ZBTB20: variants seen among roughly 807,000 people sequenced by gnomAD.
ZBTB20 encodes zinc finger and BTB domain containing 20.
A neutral mutation model predicts 56.9 loss-of-function variants in ZBTB20; 9 were observed. The observed-to-expected ratio is 0.16, with a 90% CI of 0.10 to 0.28. The LOEUF is 0.28. Among genes scored for constraint, ZBTB20 ranks in the 10% least tolerant of loss-of-function variants. ZBTB20 has a pLI of 1.00. For synonymous variants in ZBTB20, 417 were observed against 420.7 expected (o/e 0.99, Z 0.11); for missense variants, 655 against 1,003.0 (o/e 0.65, Z 4.69).
At chr3:114,935,879 T>C (rs2076516849) in intron 3 of ZBTB20, among the ~76,000 whole-genome samples, 1 of 152,200 alleles carries the variant, frequency 6.6e-6, no homozygotes, top group Admixed American at 6.5e-5. Context: ...TAACACAGAG[T>C]ACTCTTCTAC....
Position 114,336,204 on chromosome 3 carries a change from A to G in ZBTB20, c.*2801T>C, listed in dbSNP as rs1282689925. 1.3e-5 allele frequency: 2 copies of G among 152,120 alleles called. No individual in the cohort carries two copies. Among genetic ancestry groups the G allele is most frequent in the African/African-American group, 2.4e-5 (1 of 41,440 alleles). The allele number at this position is 152,120 out of a possible 1,614,324, so 9.4% of individuals were successfully genotyped here. Reference sequence around the variant, plus strand: ...CATGTCATTGTCTCCTAGCTTTAAGAGTTTTTTTCTTAAGGTCAATCTTCT... The same window carrying G: ...CATGTCATTGTCTCCTAGCTTTAAGGGTTTTTTTCTTAAGGTCAATCTTCT... On this transcript the variant is annotated 3_prime_UTR_variant, in exon 12 of 12. Transcript: ENST00000675478.
At chr3:114,529,154 A>C (rs2110011572) in intron 6 of ZBTB20, 1 of 152,320 alleles carries the variant, frequency 6.6e-6, no homozygotes, top group South Asian at 2.1e-4. Flanking sequence ...CTCTGCAGAT[A>C]GCTATGGCCC....
chr3:115,145,897 T>C (rs1336995371), intron 1 of ZBTB20, among the ~76,000 whole-genome samples: 1 of 152,240 alleles, frequency 6.6e-6, no homozygotes, highest in Non-Finnish European at 1.5e-5. Context: ...AACTTCAGAA[T>C]AGCGTTCACT....
chr3:114,374,005 G>A (rs1291493508), intron 10 of ZBTB20, among the ~76,000 whole-genome samples: 3 of 152,146 alleles, frequency 2.0e-5, no homozygotes, highest in African/African-American at 7.2e-5. Flanking sequence ...AATGCACAAA[G>A]TGGAAACTCT....
intron 2 of ZBTB20, among the ~76,000 whole-genome samples, chr3:115,056,958 G>A (rs2081817274): frequency 6.6e-6 from 1 of 152,082 alleles, no homozygotes; most frequent in Non-Finnish European, 1.5e-5. Flanking sequence ...AGGAGTTGGA[G>A]TCATTCTGTT....
At chr3:114,700,768 C>T (rs2063340633) in intron 5 of ZBTB20, among the ~76,000 whole-genome samples, 1 of 152,104 alleles carries the variant, frequency 6.6e-6, no homozygotes, top group African/African-American at 2.4e-5. Flanking sequence ...AGTCCTCTGA[C>T]ATGAGAAAGT....
chr3:114,733,712 G>T (rs1429416993), intron 5 of ZBTB20, among the ~76,000 whole-genome samples: 1 of 152,114 alleles, frequency 6.6e-6, no homozygotes, highest in Non-Finnish European at 1.5e-5. Context: ...GGGTAAACAT[G>T]ACATTTTGAT....
intron 3 of ZBTB20, among the ~76,000 whole-genome samples, chr3:114,906,992 A>C (rs111290540): frequency 0.011 from 1,686 of 151,982 alleles, 30 homozygotes; most frequent in African/African-American, 0.039. Context: ...CTACTATTAT[A>C]GTTGGAGAAA....
chr3:115,085,738 T>C (rs1332937983), intron 1 of ZBTB20, among the ~76,000 whole-genome samples: 1 of 151,950 alleles, frequency 6.6e-6, no homozygotes, highest in Non-Finnish European at 1.5e-5. Flanking sequence ...AAGAAACTTT[T>C]GTTTCTTTGG....
chr3:114,560,393 T>C (rs192921488), intron 6 of ZBTB20, among the ~76,000 whole-genome samples: 107 of 152,208 alleles, frequency 7.0e-4, no homozygotes, highest in Non-Finnish European at 2.9e-5. Flanking sequence ...CTCTAAGTGC[T>C]TTACATTTAT....
At chr3:114,967,603 G>C (rs143927510) in intron 3 of ZBTB20, among the ~76,000 whole-genome samples, 1,619 of 152,136 alleles carry the variant, frequency 0.011, 18 homozygotes, top group African/African-American at 0.031. Context: ...GAAAAAAAAG[G>C]GGGGAAAGCC....
chr3:114,611,420 G>A (rs1488873465), intron 6 of ZBTB20, among the ~76,000 whole-genome samples: 1 of 152,172 alleles, frequency 6.6e-6, no homozygotes, highest in African/African-American at 2.4e-5. Context: ...TGCTCAAGCT[G>A]TCAAACATCA....
chr3:114,656,689 T>C (rs934981706), intron 6 of ZBTB20, among the ~76,000 whole-genome samples: 6 of 152,210 alleles, frequency 3.9e-5, no homozygotes, highest in Non-Finnish European at 8.8e-5. Flanking sequence ...TACTTATTTT[T>C]GAAAATTTTC....
chr3:114,450,333 AT>A (rs1559804318), intron 7 of ZBTB20, among the ~76,000 whole-genome samples: 3 of 152,142 alleles, frequency 2.0e-5, no homozygotes. Context: ...CAAAACTCAA[AT>A]TTTTTTATCC....
chr3:114,760,906 A>G (rs990901640), intron 5 of ZBTB20, among the ~76,000 whole-genome samples: 3 of 152,192 alleles, frequency 2.0e-5, no homozygotes, highest in African/African-American at 7.2e-5. Flanking sequence ...ATCTGTGTCC[A>G]TTTTGTGGTC....
At chr3:114,940,770 CAAGGATA>C (rs1182283578) in intron 3 of ZBTB20, among the ~76,000 whole-genome samples, 2 of 146,190 alleles carry the variant, frequency 1.4e-5, no homozygotes, top group East Asian at 3.9e-4. Context: ...CATAATGGTT[CAAGGATA>C]AACCATTTCC....
At chr3:114,388,274 G>C (rs1423495393) in intron 8 of ZBTB20, 3 of 152,178 alleles carry the variant, frequency 2.0e-5, no homozygotes, top group African/African-American at 7.2e-5. Flanking sequence ...TTGGAAAATA[G>C]CATATATTCA....
At chr3:114,897,293 T>C (rs2074922882) in intron 4 of ZBTB20, among the ~76,000 whole-genome samples, 2 of 152,120 alleles carry the variant, frequency 1.3e-5, no homozygotes, top group African/African-American at 4.8e-5. Context: ...ACAAAGATTT[T>C]GTTGTATTCA....
intron 6 of ZBTB20, among the ~76,000 whole-genome samples, chr3:114,625,925 G>T (rs1421369646): frequency 6.6e-6 from 1 of 152,106 alleles, no homozygotes; most frequent in Non-Finnish European, 1.5e-5. Flanking sequence ...AAAAAGTCTT[G>T]GTATCTGAAC....
Sources: gnomAD v4.1 joint callset for allele counts (sites outside exome capture counted in the v4.1 genomes callset) on GRCh38, gnomAD v4.1.1 for gene constraint, MANE v1.5 for transcripts, NCBI Gene and HGNC (gene_info 2026-07-23, HGNC 2026-07-21) for gene names.